Variants in BNIP2 observed in about 807,000 individuals in gnomAD.
BNIP2 encodes BCL2/adenovirus E1B 19 kDa protein-interacting protein 2.
BNIP2 carries 36 observed loss-of-function variants against 43.4 expected under a neutral mutation model. The observed-to-expected ratio is 0.83, with a 90% CI of 0.64 to 1.10. The LOEUF (loss-of-function observed/expected upper bound fraction) is 1.10, where lower values mean the gene tolerates loss of function less well. BNIP2 is among the 50% of genes least tolerant of loss of function. The probability of loss-of-function intolerance (pLI) is 0.00; values close to 1 mark genes in which losing one functional copy is unlikely to be tolerated. For missense variants in BNIP2, 417 were observed against 374.1 expected (o/e 1.11, Z -0.95); for synonymous variants, 146 against 121.0 (o/e 1.21, Z -1.35).
chr15:59,688,847 G>C, intron 1 of BNIP2: 1 of 1,526,484 alleles, frequency 6.6e-7, no homozygotes, highest in Non-Finnish European at 8.7e-7. Flanking sequence ...AGCGGAGGAG[G>C]GGCAAGGTTC....
intron 5 of BNIP2, among the ~76,000 whole-genome samples, chr15:59,676,552 T>C (rs1472409777): frequency 1.3e-5 from 2 of 152,204 alleles, no homozygotes; most frequent in African/African-American, 2.4e-5. Flanking sequence ...TAATCATTTT[T>C]AAATGGTACT....
intron 6 of BNIP2, among the ~76,000 whole-genome samples, chr15:59,671,690 T>A (rs796919165): frequency 3.9e-4 from 59 of 152,274 alleles, no homozygotes; most frequent in African/African-American, 1.4e-3. Context: ...ACCTGAGAAA[T>A]AGAATGACCT....
At position 59,679,747 on chromosome 15, in the gene BNIP2, T is replaced by C. The variant is rs138595084; in HGVS notation, c.140A>G (p.Asn47Ser). 2,525 of 1,551,660 alleles carry C rather than the reference T, an allele frequency of 1.6e-3. 8 individuals are homozygous for C. Among genetic ancestry groups the C allele is most frequent in the Non-Finnish European group, 1.8e-3 (2,048 of 1,156,018 alleles). ...DQPGSLEVNG[N>S]KVRKKLMAPD... ...AGCCATTAGTTTCTTTCTCACTTTA[T>C]TTCCATTAACTTCTAGTGAGCCTGG... Residue 47 changes from asparagine to serine, a missense_variant, in exon 4 of 10, where the codon AAT becomes AGT. Asn to Ser is a conservative substitution (Grantham distance 46, BLOSUM62 1). Coordinates refer to ENST00000607373, the MANE Select transcript of BNIP2 (RefSeq NM_004330.4).
At chr15:59,679,334 A>G in intron 4 of BNIP2, 1 of 310,686 alleles carries the variant, frequency 3.2e-6, no homozygotes, top group Non-Finnish European at 5.9e-6. Context: ...TGATTGACTA[A>G]AAAAGAGCAT....
chr15:59,668,883 A>C lies in BNIP2; in HGVS notation c.893+9T>G, dbSNP rs769135436. On this transcript the variant is annotated intron_variant, in intron 9 of 9. Transcript: ENST00000607373. ...TCCAATACAATTAAGGAAATAAAACAAAACATACTGTTTTATGCATTCTGG... is the reference window on the plus strand; with the variant it reads ...TCCAATACAATTAAGGAAATAAAACCAAACATACTGTTTTATGCATTCTGG... 6.2e-7 allele frequency: 1 copy of C among 1,605,910 alleles called. No individual in the cohort carries two copies.
At position 59,662,263 on chromosome 15, in the gene BNIP2, A is replaced by T. The variant is rs1892318434; in HGVS notation, c.*1806T>A. On this transcript the variant is annotated 3_prime_UTR_variant, in exon 10 of 10. Transcript: ENST00000607373. ...GTCTACAAATATAGAATCTAATGACAAATTCAATATAATTGTTTATACATA... is the reference window on the plus strand; with the variant it reads ...GTCTACAAATATAGAATCTAATGACTAATTCAATATAATTGTTTATACATA... 1 of 152,270 alleles carries T rather than the reference A, an allele frequency of 6.6e-6. No individual in the cohort carries two copies. The highest frequency in any genetic ancestry group is 1.5e-5 in the Non-Finnish European group (1 of 68,038). The allele number at this position is 152,270 out of a possible 1,614,324, so 9.4% of individuals were successfully genotyped here. A position where few individuals can be genotyped will look rare whatever the true frequency, so the allele number is the denominator to read the frequency against.
At chr15:59,678,601 T>G in intron 4 of BNIP2, 3 of 1,127,382 alleles carry the variant, frequency 2.7e-6, no homozygotes, top group South Asian at 4.0e-5. Flanking sequence ...TATAATACTT[T>G]GAAGTATACA....
Position 59,689,287 on chromosome 15 carries a change from C to T in BNIP2, c.-210G>A, listed in dbSNP as rs551965260. ...GCCCAATCCCCCGGCCGCAGCGGTA[C>T]GGCGTCGGCGGCAGCAGCTGACCCG... On this transcript the variant is annotated 5_prime_UTR_variant, in exon 1 of 10. Coordinates refer to ENST00000607373, the MANE Select transcript of BNIP2 (RefSeq NM_004330.4). 4.5e-6 allele frequency: 7 copies of T among 1,545,706 alleles called. No homozygotes were observed. The East Asian group carries it at 9.8e-5, about 22-fold the overall frequency.
Position 59,662,307 on chromosome 15 carries a change from C to G in BNIP2, c.*1762G>C, listed in dbSNP as rs1462215089. The G allele has an allele frequency of 6.6e-6, 1 of 152,192 alleles. No homozygotes were observed. Among genetic ancestry groups the G allele is most frequent in the Non-Finnish European group, 1.5e-5 (1 of 68,022 alleles). 9.4% of individuals were successfully genotyped at this position (152,192 alleles called of 1,614,324 possible). ...ATACATAATCCTTATATGGTAAATTCAGAAGGAATGCCTAACTTGTTATTG... is the reference window on the plus strand; with the variant it reads ...ATACATAATCCTTATATGGTAAATTGAGAAGGAATGCCTAACTTGTTATTG... On this transcript the variant is annotated 3_prime_UTR_variant, in exon 10 of 10. Coordinates refer to ENST00000607373, the MANE Select transcript of BNIP2 (RefSeq NM_004330.4).
Position 59,668,772 on chromosome 15 carries a change from A to ACG in BNIP2, c.893+118_893+119dup, listed in dbSNP as rs376052734. 3.2e-3 allele frequency: 2,473 copies of ACG among 779,594 alleles called. 8 individuals carry two copies. Among genetic ancestry groups the ACG allele is most frequent in the East Asian group, 0.018 (599 of 33,176 alleles). The allele number at this position is 779,594 out of a possible 1,614,324, so 48.3% of individuals were successfully genotyped here. A position where few individuals can be genotyped will look rare whatever the true frequency, so the allele number is the denominator to read the frequency against. ...TTTTCTTTGTTACACACACACACAC[A>ACG]CGCGCGCGCGCGCACAGTTATAAAA... On this transcript the variant is annotated intron_variant, in intron 9 of 9. Coordinates refer to ENST00000607373, the MANE Select transcript of BNIP2 (RefSeq NM_004330.4).
chr15:59,673,541 C>A (rs570193267), intron 5 of BNIP2, among the ~76,000 whole-genome samples: 38 of 152,316 alleles, frequency 2.5e-4, no homozygotes, highest in African/African-American at 9.1e-4. Flanking sequence ...CTTCCCACCT[C>A]ATAGCCTCCA....
At chr15:59,683,027 TAAA>T (rs1409680510) in intron 1 of BNIP2, among the ~76,000 whole-genome samples, 8 of 152,210 alleles carry the variant, frequency 5.3e-5, no homozygotes, top group African/African-American at 1.9e-4. Flanking sequence ...CTGAGCCACT[TAAA>T]GAAGTCTATT....
chr15:59,668,809 A>C, intron 9 of BNIP2, 83 bp downstream of exon 9: 2 of 1,184,528 alleles, frequency 1.7e-6, no homozygotes, highest in Non-Finnish European at 2.4e-6. Context: ...ATAATACATA[A>C]AGAATGAGTA....
Position 59,664,022 on chromosome 15 carries a change from T to A in BNIP2, c.*47A>T. ...TGCATTATGAATGCAGAAACAGCAC[T>A]GCTCCATCAGCACATTCTTCAGTCT... On this transcript the variant is annotated 3_prime_UTR_variant, in exon 10 of 10. Coordinates refer to ENST00000607373, the MANE Select transcript of BNIP2 (RefSeq NM_004330.4). 1 of 1,408,972 alleles carries A rather than the reference T, an allele frequency of 7.1e-7. No homozygotes were observed. Among genetic ancestry groups the A allele is most frequent in the Non-Finnish European group, 9.6e-7 (1 of 1,036,804 alleles). The allele number at this position is 1,408,972 out of a possible 1,614,324, so 87.3% of individuals were successfully genotyped here. A position where few individuals can be genotyped will look rare whatever the true frequency, so the allele number is the denominator to read the frequency against.
chr15:59,682,645 G>T, intron 1 of BNIP2, 131 bp from the exon 2 acceptor site: 2 of 676,302 alleles, frequency 3.0e-6, no homozygotes, highest in Non-Finnish European at 4.4e-6. Flanking sequence ...TTCATTTACA[G>T]GGTTGCAATT....
chr15:59,687,101 A>C (rs1448077302), intron 1 of BNIP2, among the ~76,000 whole-genome samples: 1 of 152,208 alleles, frequency 6.6e-6, no homozygotes. Context: ...CGAAATTGTG[A>C]AAATAAATCA....
intron 6 of BNIP2, among the ~76,000 whole-genome samples, chr15:59,671,893 T>C (rs532589659): frequency 1.1e-3 from 160 of 152,228 alleles, no homozygotes; most frequent in Non-Finnish European, 1.7e-3. Flanking sequence ...CCTGGCAACA[T>C]AGTGAGACTC....
intron 1 of BNIP2, 100 bp from the exon 2 acceptor site, chr15:59,682,614 T>A (rs1893758295): frequency 2.2e-6 from 2 of 890,044 alleles, no homozygotes; most frequent in Non-Finnish European, 3.2e-6. Flanking sequence ...TGATGTTTAG[T>A]ACAATGGTCT....
intron 4 of BNIP2, chr15:59,679,320 T>TA (rs1893503846): frequency 3.5e-6 from 1 of 289,828 alleles, no homozygotes; most frequent in African/African-American, 2.3e-5. Flanking sequence ...AAAAGTTTCT[T>TA]ACTTGATTGA....
Sources: gnomAD v4.1 joint callset for allele counts (sites outside exome capture counted in the v4.1 genomes callset) on GRCh38, gnomAD v4.1.1 for gene constraint, MANE v1.5 for transcripts, NCBI Gene and HGNC (gene_info 2026-07-23, HGNC 2026-07-21) for gene names.